The following CALN1 variants were observed in gnomAD, a reference collection of about 807,000 sequenced individuals.
CALN1 encodes the protein calcium-binding protein 8.
CALN1 carries 17 observed loss-of-function variants against 30.6 expected under a neutral mutation model. The observed-to-expected ratio is 0.56, with a 90% CI of 0.38 to 0.83. The LOEUF (loss-of-function observed/expected upper bound fraction) is 0.83, where lower values mean the gene tolerates loss of function less well. Ranked by LOEUF, CALN1 falls within the 40% of genes least tolerant of loss-of-function variation. The probability of loss-of-function intolerance (pLI) is 0.00; values close to 1 mark genes in which losing one functional copy is unlikely to be tolerated. For synonymous variants in CALN1, 156 were observed against 131.4 expected, an observed-to-expected ratio of 1.19 and a Z score of -1.28; for missense variants, 291 against 354.9, an observed-to-expected ratio of 0.82 and a Z score of 1.45.
intron 3 of CALN1, among the ~76,000 whole-genome samples, chr7:72,197,600 T>G (rs548489440): frequency 0.011 from 1,627 of 152,042 alleles, 13 homozygotes; most frequent in Non-Finnish European, 0.018. Flanking sequence ...GAGGCTGAGG[T>G]GGAAGGATGG....
intron 2 of CALN1, among the ~76,000 whole-genome samples, chr7:72,385,605 G>A (rs1585630319): frequency 6.6e-6 from 1 of 152,108 alleles, no homozygotes; most frequent in East Asian, 1.9e-4. Context: ...ATATGGTTTG[G>A]CTCTGTGTCC....
intron 5 of CALN1, among the ~76,000 whole-genome samples, chr7:71,908,046 G>A (rs944276906): frequency 2.0e-5 from 3 of 152,110 alleles, no homozygotes; most frequent in South Asian, 2.1e-4. Context: ...TCTAGCTTTC[G>A]GGTTATTGCT....
At chr7:72,335,308 A>G (rs930668386) in intron 2 of CALN1, among the ~76,000 whole-genome samples, 37 of 152,352 alleles carry the variant, frequency 2.4e-4, no homozygotes, top group African/African-American at 8.4e-4. Flanking sequence ...TGATGCCCGA[A>G]TTGAAAAATA....
chr7:71,928,709 G>C (rs61148427), intron 5 of CALN1, among the ~76,000 whole-genome samples: 7,802 of 152,114 alleles, frequency 0.051, 359 homozygotes, highest in East Asian at 0.14. Context: ...TTCTACAACT[G>C]ATCTTAGAAC....
At position 71,950,529 on chromosome 7, in the gene CALN1, G is replaced by A. The variant is rs371835864; in HGVS notation, c.501+73128C>T. 9.9e-5 allele frequency among the ~76,000 whole-genome samples: 15 copies of A among 152,130 alleles called. No homozygotes were observed. In the East Asian group the frequency reaches 2.1e-3, roughly 22 times the overall value. Reference sequence around the variant, plus strand: ...TCTTAAAGACTTGCAAGCATAGCCCGAACTGATCCTCTCCCCACCACTCTG... The same window carrying A: ...TCTTAAAGACTTGCAAGCATAGCCCAAACTGATCCTCTCCCCACCACTCTG... On this transcript the variant is annotated intron_variant, in intron 5 of 6. Transcript: ENST00000395275.
intron 5 of CALN1, among the ~76,000 whole-genome samples, chr7:71,852,471 TAAA>T (rs35252557): frequency 8.4e-5 from 10 of 118,610 alleles, no homozygotes; most frequent in Non-Finnish European, 7.0e-5. Flanking sequence ...ACCCTGTCTC[TAAA>T]AAAAAAAAAA....
intron 2 of CALN1, among the ~76,000 whole-genome samples, chr7:72,354,946 G>C (rs1176759583): frequency 1.5e-5 from 2 of 136,060 alleles, no homozygotes; most frequent in Non-Finnish European, 3.1e-5. Context: ...GTCTCGCTTT[G>C]TCGCCAAAGC....
At chr7:72,242,129 A>G (rs891825949) in intron 3 of CALN1, among the ~76,000 whole-genome samples, 11 of 152,062 alleles carry the variant, frequency 7.2e-5, no homozygotes, top group African/African-American at 2.4e-4. Context: ...ATCATACAGT[A>G]TTTGTCCTTT....
rs985690965 is a variant in CALN1 at position 72,175,431 on chromosome 7, T to A, written c.245-69137A>T. Among the ~76,000 whole-genome samples, 11 of 152,214 alleles carry A rather than the reference T, an allele frequency of 7.2e-5. 1 individual carries two copies. The highest frequency in any genetic ancestry group is 4.1e-4 in the South Asian group (2 of 4,820). ...GTAAGTGGGGTAAGAAAGCATGCAA[T>A]CTGAGACACGAGTGAAGATTCTTGA... On this transcript the variant is annotated intron_variant, in intron 3 of 6. Transcript: ENST00000395275.
At chr7:72,242,373 A>G (rs961272274) in intron 3 of CALN1, among the ~76,000 whole-genome samples, 3 of 152,158 alleles carry the variant, frequency 2.0e-5, no homozygotes, top group African/African-American at 7.2e-5. Flanking sequence ...GATGGATAAT[A>G]TGGTAACTTT....
At chr7:71,850,621 G>A (rs1362327739) in intron 5 of CALN1, among the ~76,000 whole-genome samples, 1 of 152,138 alleles carries the variant, frequency 6.6e-6, no homozygotes, top group African/African-American at 2.4e-5. Context: ...TTTTTGTAGG[G>A]GGGAGGTTAT....
intron 5 of CALN1, among the ~76,000 whole-genome samples, chr7:71,986,176 C>T (rs774490101): frequency 2.6e-5 from 4 of 152,036 alleles, no homozygotes; most frequent in Non-Finnish European, 5.9e-5. Context: ...GCCTCCCGAG[C>T]AGCTGGGACC....
chr7:72,332,878 T>C (rs1185435459), intron 2 of CALN1, among the ~76,000 whole-genome samples: 1 of 152,254 alleles, frequency 6.6e-6, no homozygotes, highest in East Asian at 1.9e-4. Flanking sequence ...GCTTCCTCCC[T>C]GGTATCCATG....
chr7:71,875,760 C>T (rs1169510557), intron 5 of CALN1, among the ~76,000 whole-genome samples: 1 of 146,918 alleles, frequency 6.8e-6, no homozygotes, highest in Non-Finnish European at 1.5e-5. Flanking sequence ...TTATACTACA[C>T]ACTAGACAGA....
At chr7:72,418,456 A>C (rs1807495632) in intron 1 of CALN1, among the ~76,000 whole-genome samples, 1 of 152,184 alleles carries the variant, frequency 6.6e-6, no homozygotes. Flanking sequence ...TTGGTAGAAC[A>C]AATTATTTTC....
intron 4 of CALN1, among the ~76,000 whole-genome samples, chr7:72,105,009 A>T (rs1806979639): frequency 6.6e-6 from 1 of 152,024 alleles, no homozygotes; most frequent in South Asian, 2.1e-4. Context: ...AAAATAAGAT[A>T]AAAATGTTAA....
At chr7:72,499,966 C>T in the CALN1 span, among the ~76,000 whole-genome samples, 25 of 150,902 alleles carry the variant, frequency 1.7e-4, 1 homozygote, top group African/African-American at 5.6e-4. Flanking sequence ...GGCTGAAGTA[C>T]AGTGGCACGA....
intron 3 of CALN1, among the ~76,000 whole-genome samples, chr7:72,269,074 T>C (rs1166885966): frequency 6.6e-6 from 1 of 152,180 alleles, no homozygotes; most frequent in Non-Finnish European, 1.5e-5. Flanking sequence ...ACGTAGTAGC[T>C]GCACGAACTA....
chr7:72,501,948 TACAC>T, the CALN1 span, among the ~76,000 whole-genome samples: 82 of 72,330 alleles, frequency 1.1e-3, no homozygotes, highest in Non-Finnish European at 1.5e-3. Flanking sequence ...TATATATATA[TACAC>T]ACATATATAT....
Sources: gnomAD v4.1 joint callset for allele counts (sites outside exome capture counted in the v4.1 genomes callset) on GRCh38, gnomAD v4.1.1 for gene constraint, MANE v1.5 for transcripts, NCBI Gene and HGNC (gene_info 2026-07-23, HGNC 2026-07-21) for gene names.